The following HK1 variants were observed in gnomAD, a reference collection of about 807,000 sequenced individuals.
HK1 encodes the protein hexokinase 1.
Under a neutral mutation model 91.6 loss-of-function variants are expected in HK1, and 28 were observed. That is an observed-to-expected ratio of 0.31 (90% CI 0.23 to 0.42). The LOEUF (loss-of-function observed/expected upper bound fraction) is 0.42. HK1 is among the 10% of genes least tolerant of loss of function. HK1 has a pLI of 1.00. For synonymous variants in HK1, 430 were observed against 468.1 expected (o/e 0.92, Z 1.05); for missense variants, 770 against 1,219.8 (o/e 0.63, Z 5.49).
chr10:69,364,963 C>T (rs1005551577), intron 4 of HK1, 61 bp downstream of exon 4: 45 of 1,592,896 alleles, frequency 2.8e-5, no homozygotes, highest in African/African-American at 4.0e-5. Flanking sequence ...AGCTAACAAG[C>T]CCTTTTCTCC....
intron 4 of HK1, among the ~76,000 whole-genome samples, chr10:69,297,541 G>A (rs1322338004): frequency 6.6e-6 from 1 of 152,114 alleles, no homozygotes; most frequent in Non-Finnish European, 1.5e-5. Context: ...GTTGATAGTG[G>A]CCCCCTCCTT....
At chr10:69,394,571 C>T (rs1388731610) in intron 15 of HK1, among the ~76,000 whole-genome samples, 1 of 151,972 alleles carries the variant, frequency 6.6e-6, no homozygotes, top group East Asian at 1.9e-4. Context: ...GCAGTGAGCT[C>T]AGGTGTGTTG....
At chr10:69,283,124 C>CA (rs34547808) in intron 2 of HK1, among the ~76,000 whole-genome samples, 14,995 of 60,864 alleles carry the variant, frequency 0.25, 1,979 homozygotes, top group East Asian at 0.46. Context: ...AACTCAGTTT[C>CA]AAAAAAAAAA....
chr10:69,318,761 C>T (rs1846807123), upstream of HK1: 1 of 1,203,156 alleles, frequency 8.3e-7, no homozygotes, highest in Non-Finnish European at 1.1e-6. Context: ...GGCTGTCACC[C>T]TCCAGGGGAC....
chr10:69,346,288 T>C (rs540333941), intron 2 of HK1, among the ~76,000 whole-genome samples: 1 of 152,324 alleles, frequency 6.6e-6, no homozygotes, highest in South Asian at 2.1e-4. Context: ...GAGGGATAAA[T>C]TGGCGCTCAC....
intron 2 of HK1, among the ~76,000 whole-genome samples, chr10:69,348,088 C>G (rs964227811): frequency 1.3e-5 from 2 of 152,116 alleles, no homozygotes; most frequent in African/African-American, 4.8e-5. Flanking sequence ...ATTGTAAGCA[C>G]TAATTAGAGT....
chr10:69,330,332 C>T (rs1048961181), intron 1 of HK1, among the ~76,000 whole-genome samples: 3 of 151,966 alleles, frequency 2.0e-5, no homozygotes, highest in Non-Finnish European at 4.4e-5. Flanking sequence ...CAGATGCTTA[C>T]TTTAGTTGGA....
rs1052307730 is a variant in HK1 at position 69,380,264 on chromosome 10, G to A, written c.1265+169G>A. 2.2e-4 allele frequency among the ~76,000 whole-genome samples: 34 copies of A among 152,154 alleles called. No individual in the cohort carries two copies. Among genetic ancestry groups the A allele is most frequent in the African/African-American group, 7.2e-4 (30 of 41,432 alleles). On this transcript the variant is annotated intron_variant, in intron 9 of 17. Transcript: ENST00000359426. The surrounding 1 kb of genome is among the most constrained non-coding windows in gnomAD (Gnocchi z 4.0). ...TTAGCACTTTGAGAGGCCGAGGCAGGAGGAAGGAGTTTGAGAACAGCCTGG... is the reference window on the plus strand; with the variant it reads ...TTAGCACTTTGAGAGGCCGAGGCAGAAGGAAGGAGTTTGAGAACAGCCTGG...
intron 3 of HK1, among the ~76,000 whole-genome samples, chr10:69,295,330 C>T (rs1845505618): frequency 6.6e-6 from 1 of 152,196 alleles, no homozygotes; most frequent in African/African-American, 2.4e-5. Context: ...ATTGTGGGCT[C>T]CTTGAGGGCC....
At chr10:69,317,289 G>T (rs117543326), upstream of HK1, among the ~76,000 whole-genome samples, 1,115 of 152,250 alleles carry the variant, frequency 7.3e-3, 33 homozygotes, top group Admixed American at 0.059. Context: ...GTGGGCATTA[G>T]TGTCTTCATC....
At chr10:69,315,753 G>A (rs775249949), upstream of HK1, 4 of 640,888 alleles carry the variant, frequency 6.2e-6, no homozygotes, top group Non-Finnish European at 1.1e-5. Context: ...TATCAGTTAG[G>A]CAGTCATGAC....
chr10:69,371,547 G>C (rs1402414495), intron 7 of HK1, among the ~76,000 whole-genome samples: 1 of 152,180 alleles, frequency 6.6e-6, no homozygotes, highest in African/African-American at 2.4e-5. Context: ...TCAGATAAGA[G>C]GTTATGTACC....
intron 2 of HK1, among the ~76,000 whole-genome samples, chr10:69,352,096 G>A (rs1038165644): frequency 1.3e-5 from 2 of 151,598 alleles, no homozygotes; most frequent in African/African-American, 4.9e-5. Context: ...GGGTTCAAGC[G>A]ATTCTCCTGC....
intron 1 of HK1, among the ~76,000 whole-genome samples, chr10:69,276,090 CAAAAAAAAA>C (rs60324656): frequency 0.052 from 827 of 15,886 alleles, 34 homozygotes; most frequent in African/African-American, 0.16. Flanking sequence ...AACTCCTTTT[CAAAAAAAAA>C]AAAAAAAAAA....
upstream of HK1, chr10:69,317,980 G>A: frequency 1.1e-6 from 1 of 909,472 alleles, no homozygotes; most frequent in Non-Finnish European, 1.3e-6. Context: ...CTGGGAAGGG[G>A]CGCTGAACCG....
Position 69,306,332 on chromosome 10 carries a change from C to T in HK1, c.27+5471C>T, listed in dbSNP as rs180855455. 5.1e-3 allele frequency among the ~76,000 whole-genome samples: 765 copies of T among 148,738 alleles called. 5 individuals are homozygous for T. The highest frequency in any genetic ancestry group is 8.8e-3 in the Non-Finnish European group (591 of 67,220). On this transcript the variant is annotated intron_variant, in intron 5 of 21. Coordinates refer to the HK1 transcript ENST00000360289. ...GAGATCGCACCAGTGCACTGCAGCC[C>T]GGGCGACAGAGTGAGACTCTGTCTC...
intron 1 of HK1, among the ~76,000 whole-genome samples, chr10:69,324,956 T>A (rs1163070524): frequency 6.6e-6 from 1 of 152,138 alleles, no homozygotes; most frequent in African/African-American, 2.4e-5. Flanking sequence ...GGAAATAACA[T>A]TGACTTCTGG....
At chr10:69,359,796 G>T (rs1849320892) in intron 2 of HK1, 101 bp from the exon 3 acceptor site, 1 of 1,097,142 alleles carries the variant, frequency 9.1e-7, no homozygotes. Flanking sequence ...ATGTGGCAGG[G>T]GGAGGCAGAC....
intron 2 of HK1, among the ~76,000 whole-genome samples, chr10:69,350,354 CTTG>C (rs1457268646): frequency 1.3e-5 from 2 of 152,220 alleles, no homozygotes; most frequent in Admixed American, 6.5e-5. Flanking sequence ...TATCAGTTAT[CTTG>C]TTGTCCTTAA....
Sources: gnomAD v4.1 joint callset for allele counts (sites outside exome capture counted in the v4.1 genomes callset) on GRCh38, gnomAD v4.1.1 for gene constraint, Gnocchi (gnomAD v3.1) non-coding constraint, MANE v1.5 for transcripts, NCBI Gene and HGNC (gene_info 2026-07-23, HGNC 2026-07-21) for gene names.